Variants in IRAK3 observed in about 807,000 individuals in gnomAD.
The protein encoded by IRAK3 is interleukin 1 receptor associated kinase 3, also known as interleukin-1 receptor-associated kinase 3.
A neutral mutation model predicts 56.6 loss-of-function variants in IRAK3; 57 were observed. The ratio of observed to expected loss-of-function variants is 1.01; its 90% CI spans 0.81 to 1.26. IRAK3 has a LOEUF of 1.26. Ranked by LOEUF, IRAK3 falls within the 50% of genes most tolerant of loss-of-function variation. The pLI, the probability that IRAK3 is intolerant of heterozygous loss-of-function variation, is 0.00. For synonymous variants in IRAK3, 258 were observed against 255.7 expected (o/e 1.01, Z -0.09); for missense variants, 703 against 719.0 (o/e 0.98, Z 0.25).
At chr12:66,208,495 T>G (rs1398874368) in intron 2 of IRAK3, among the ~76,000 whole-genome samples, 1 of 152,216 alleles carries the variant, frequency 6.6e-6, no homozygotes, top group Non-Finnish European at 1.5e-5. Context: ...GCGCTGTGGC[T>G]CATGCCTGTA....
chr12:66,206,820 C>T lies in IRAK3; in HGVS notation c.317-2636C>T, dbSNP rs149154566. On this transcript the variant is annotated intron_variant, in intron 2 of 11. Transcript: ENST00000261233. Reference sequence around the variant, plus strand: ...TCTTTAAATGTTTGGTAGAATTCACCTGTGAAGCCATCTAAGCCTCGGCTT... The same window carrying T: ...TCTTTAAATGTTTGGTAGAATTCACTTGTGAAGCCATCTAAGCCTCGGCTT... 2.2e-3 allele frequency among the ~76,000 whole-genome samples: 331 copies of T among 152,300 alleles called. 3 individuals carry two copies. The highest frequency in any genetic ancestry group is 7.7e-3 in the African/African-American group (322 of 41,560).
rs1021294389 is a variant in IRAK3 at position 66,249,377 on chromosome 12, G to A, written c.*1206G>A. 1 of 152,254 alleles carries A rather than the reference G, an allele frequency of 6.6e-6. No individual in the cohort carries two copies. Among genetic ancestry groups the A allele is most frequent in the Non-Finnish European group, 1.5e-5 (1 of 68,098 alleles). The allele number at this position is 152,254 out of a possible 1,614,324, so 9.4% of individuals were successfully genotyped here. On this transcript the variant is annotated 3_prime_UTR_variant, in exon 12 of 12. Coordinates refer to ENST00000261233, the MANE Select transcript of IRAK3 (RefSeq NM_007199.3). ...AGACGGGGTTTCACCATGTTAGGCA[G>A]GATGGTCTCGATCTCCTGACCTCAT...
At chr12:66,198,516 C>A (rs1431237296) in intron 1 of IRAK3, among the ~76,000 whole-genome samples, 1 of 152,166 alleles carries the variant, frequency 6.6e-6, no homozygotes, top group Non-Finnish European at 1.5e-5. Flanking sequence ...TTTGGTTACC[C>A]TTCCTTTCCT....
rs181285544 is a variant in IRAK3, at chr12:66,229,991, G to T, written c.887+1621G>T. Among the ~76,000 whole-genome samples, 8 of 152,300 alleles carry T rather than the reference G, an allele frequency of 5.3e-5. No homozygotes were observed. In the East Asian group the frequency reaches 1.5e-3, roughly 29 times the overall value. ...GAGTTCATCAAATCCTTTCCTGAAT[G>T]CAGAGTTTGAAGAAGAAAGAAAAGA... On this transcript the variant is annotated intron_variant, in intron 8 of 11. Coordinates refer to ENST00000261233, the MANE Select transcript of IRAK3 (RefSeq NM_007199.3).
Position 66,193,760 on chromosome 12 carries a change from G to A in IRAK3, c.133+4328G>A, listed in dbSNP as rs1383827989. On this transcript the variant is annotated intron_variant, in intron 1 of 11. Coordinates refer to ENST00000261233, the MANE Select transcript of IRAK3 (RefSeq NM_007199.3). ...GAGGAAAACCATAAAGTACTGACCTGTATCCAGGGTCGGTACTATTTACAG... is the reference window on the plus strand; with the variant it reads ...GAGGAAAACCATAAAGTACTGACCTATATCCAGGGTCGGTACTATTTACAG... Among the ~76,000 whole-genome samples the A allele has an allele frequency of 3.9e-5, 6 of 152,304 alleles. No homozygotes were observed. The East Asian group carries it at 1.2e-3, about 29-fold the overall frequency.
At chr12:66,235,146 T>A in intron 8 of IRAK3, 1 of 1,613,788 alleles carries the variant, frequency 6.2e-7, no homozygotes, top group Non-Finnish European at 8.5e-7. Context: ...TTGCTGCTGC[T>A]GCTACTGTTG....
At chr12:66,190,622 TTCTC>T (rs2052390364) in intron 1 of IRAK3, among the ~76,000 whole-genome samples, 1 of 152,228 alleles carries the variant, frequency 6.6e-6, no homozygotes, top group Non-Finnish European at 1.5e-5. Flanking sequence ...AGGCAGATTA[TTCTC>T]TCTCTTTCTG....
intron 7 of IRAK3, among the ~76,000 whole-genome samples, chr12:66,227,260 G>A (rs968987499): frequency 3.3e-5 from 5 of 152,064 alleles, no homozygotes; most frequent in African/African-American, 1.2e-4. Flanking sequence ...AAGAGAAAGA[G>A]GCAGCCTGGA....
At chr12:66,214,647 C>G (rs1212783506) in intron 5 of IRAK3, among the ~76,000 whole-genome samples, 1 of 151,990 alleles carries the variant, frequency 6.6e-6, no homozygotes, top group Non-Finnish European at 1.5e-5. Flanking sequence ...GGTATAAACC[C>G]GTGTTCCCAA....
chr12:66,218,288 A>C (rs2052697733), intron 6 of IRAK3, among the ~76,000 whole-genome samples: 2 of 152,198 alleles, frequency 1.3e-5, no homozygotes, highest in Admixed American at 1.3e-4. Flanking sequence ...ATTATATTCT[A>C]TACAGTAGTT....
At chr12:66,196,060 T>C (rs796356281) in intron 1 of IRAK3, among the ~76,000 whole-genome samples, 3 of 152,040 alleles carry the variant, frequency 2.0e-5, no homozygotes, top group Admixed American at 6.5e-5. Flanking sequence ...ATACTTTATG[T>C]ATGTAAGTAT....
chr12:66,241,566 C>T lies in IRAK3; in HGVS notation c.888-2920C>T, dbSNP rs146993338. ...AAGGTAGAAATTGATCGTTGAAGGG[C>T]CTTTTGCAATTTCCGCTTTCCTAAA... On this transcript the variant is annotated intron_variant, in intron 8 of 11. Transcript: ENST00000261233. Among the ~76,000 whole-genome samples, 533 of 152,272 alleles carry T rather than the reference C, an allele frequency of 3.5e-3. 6 individuals carry two copies. Among genetic ancestry groups the T allele is most frequent in the African/African-American group, 0.012 (507 of 41,546 alleles).
chr12:66,232,212 A>G (rs1342309025), intron 8 of IRAK3, among the ~76,000 whole-genome samples: 1 of 152,176 alleles, frequency 6.6e-6, no homozygotes, highest in East Asian at 1.9e-4. Flanking sequence ...TGAGTGTTCC[A>G]AAGAGTTCAA....
chr12:66,191,636 A>G (rs1397445768), intron 1 of IRAK3, among the ~76,000 whole-genome samples: 2 of 152,222 alleles, frequency 1.3e-5, no homozygotes, highest in Admixed American at 6.5e-5. Flanking sequence ...TGGCTCAGCA[A>G]GAAGGCAAGG....
rs1272230526 is a variant in IRAK3, at chr12:66,253,356, A to G, written c.*5185A>G. 1 of 152,202 alleles carries G rather than the reference A, an allele frequency of 6.6e-6. No individual in the cohort carries two copies. The highest frequency in any genetic ancestry group is 1.9e-4 in the East Asian group (1 of 5,192). The allele number at this position is 152,202 out of a possible 1,614,324, so 9.4% of individuals were successfully genotyped here. Reference sequence around the variant, plus strand: ...TTCTCTATGGTGGAAAATATTCCCAAACCATGTCTAAGCAATGAAAAACCA... The same window carrying G: ...TTCTCTATGGTGGAAAATATTCCCAGACCATGTCTAAGCAATGAAAAACCA... On this transcript the variant is annotated 3_prime_UTR_variant, in exon 12 of 12. Coordinates refer to ENST00000261233, the MANE Select transcript of IRAK3 (RefSeq NM_007199.3).
chr12:66,240,635 A>T (rs1152913), intron 8 of IRAK3, among the ~76,000 whole-genome samples: 64,490 of 151,414 alleles, frequency 0.43, 16,361 homozygotes, highest in Admixed American at 0.55. Flanking sequence ...CAGACAGCAC[A>T]TGTGTGCTGT....
intron 5 of IRAK3, among the ~76,000 whole-genome samples, chr12:66,215,684 T>C (rs1019512743): frequency 6.6e-6 from 1 of 152,204 alleles, no homozygotes; most frequent in African/African-American, 2.4e-5. Context: ...AAAGTCTTAC[T>C]GTCTCTACAT....
chr12:66,232,553 A>G (rs890903365), intron 8 of IRAK3, among the ~76,000 whole-genome samples: 1 of 152,168 alleles, frequency 6.6e-6, no homozygotes, highest in African/African-American at 2.4e-5. Flanking sequence ...TGGTAATGAC[A>G]GTCAGTCCCC....
intron 6 of IRAK3, among the ~76,000 whole-genome samples, chr12:66,219,235 G>C (rs550228331): frequency 8.5e-5 from 13 of 152,264 alleles, no homozygotes; most frequent in African/African-American, 2.4e-4. Context: ...TTGGTTCTGT[G>C]TCCCCACCCA....
Sources: gnomAD v4.1 joint callset for allele counts (sites outside exome capture counted in the v4.1 genomes callset) on GRCh38, gnomAD v4.1.1 for gene constraint, MANE v1.5 for transcripts, NCBI Gene and HGNC (gene_info 2026-07-23, HGNC 2026-07-21) for gene names.